Variants in ITGB3 observed in about 807,000 individuals in gnomAD.
The protein encoded by ITGB3 is integrin beta-3.
ITGB3 carries 48 observed loss-of-function variants against 85.8 expected under a neutral mutation model. The observed-to-expected ratio is 0.56, with a 90% CI of 0.44 to 0.71. The LOEUF (loss-of-function observed/expected upper bound fraction) is 0.71, where lower values mean the gene tolerates loss of function less well. ITGB3 is among the 30% of genes least tolerant of loss of function. The pLI is 0.00. For missense variants in ITGB3, 861 were observed against 1,019.1 expected, an observed-to-expected ratio of 0.84 and a Z score of 2.11; for synonymous variants, 363 against 395.6, an observed-to-expected ratio of 0.92 and a Z score of 0.98.
chr17:47,283,850 T>C (rs2065093125), intron 3 of ITGB3, among the ~76,000 whole-genome samples: 1 of 152,216 alleles, frequency 6.6e-6, no homozygotes, highest in African/African-American at 2.4e-5. Flanking sequence ...TTTACCCAAG[T>C]GCCTGTTTTA....
At chr17:47,284,771 T>G in intron 4 of ITGB3, 76 bp downstream of exon 4, 1 of 1,584,168 alleles carries the variant, frequency 6.3e-7, no homozygotes, top group Non-Finnish European at 8.7e-7. Flanking sequence ...TATTTCTAGC[T>G]CTAGGATCAC....
At position 47,297,876 on chromosome 17, in the gene ITGB3, T is replaced by C. The variant is rs1439395675; in HGVS notation, c.1691-1432T>C. On this transcript the variant is annotated intron_variant, in intron 10 of 14. Coordinates refer to ENST00000559488, the MANE Select transcript of ITGB3 (RefSeq NM_000212.3). ...TAGCCTGGGTGATAGGGTGAGACTC[T>C]GTCTCAAAAAAAAAAAAAAAAGCAA... Among the ~76,000 whole-genome samples the C allele has an allele frequency of 3.0e-5, 3 of 98,856 alleles. No individual in the cohort carries two copies. The East Asian group carries it at 1.0e-3, about 33-fold the overall frequency. The allele number at this position is 98,856 out of a possible 152,430, so 64.9% of individuals were successfully genotyped here. A position where few individuals can be genotyped will look rare whatever the true frequency, so the allele number is the denominator to read the frequency against.
Position 47,291,000 on chromosome 17 carries a change from A to T in ITGB3, c.1172A>T (p.Glu391Val). The change falls in exon 9 of 15, where the codon GAG (glutamate) becomes GTG (valine). Residue 391 changes from glutamate to valine, a missense_variant. Physicochemically the swap from Glu to Val is moderately radical, Grantham distance 121. Transcript: ENST00000559488. The part of the protein sequence containing the change: ...VELEVRDLPE[E>V]LSLSFNATCL... The stretch of plus-strand genomic sequence containing the variant: ...CTGGAAGTGCGTGACCTCCCTGAAG[A>T]GTTGTCTCTATCCTTCAATGCCACC... The T allele has an allele frequency of 6.2e-7, 1 of 1,614,086 alleles. No individual in the cohort carries two copies. Among genetic ancestry groups the T allele is most frequent in the African/African-American group, 1.3e-5 (1 of 75,008 alleles).
chr17:47,304,197 A>G (rs2065178457), intron 13 of ITGB3, among the ~76,000 whole-genome samples: 1 of 151,996 alleles, frequency 6.6e-6, no homozygotes, highest in Admixed American at 6.6e-5. Context: ...CAGGGCCAAC[A>G]TTTCCTATGT....
rs2065209002 is a variant in ITGB3 at position 47,310,350 on chromosome 17, G to A, written c.*146G>A. On this transcript the variant is annotated 3_prime_UTR_variant, in exon 15 of 15. Transcript: ENST00000559488. ...TGGGAGAATGTCAGTATGTGGAAGT[G>A]TGGGTCTGTGTGTGTGTATGTGGGG... is the stretch of plus-strand genomic sequence containing the variant. The A allele has an allele frequency of 1.4e-6, 1 of 740,182 alleles. No homozygotes were observed. The highest frequency in any genetic ancestry group is 1.7e-5 in the African/African-American group (1 of 57,930). 45.9% of individuals were successfully genotyped at this position (740,182 alleles called of 1,614,324 possible).
chr17:47,300,402 G>A (rs1402394462), intron 11 of ITGB3, 76 bp from the exon 12 acceptor site: 12 of 998,476 alleles, frequency 1.2e-5, no homozygotes, highest in Non-Finnish European at 1.6e-5. Flanking sequence ...CTGAATGCAT[G>A]GAGATCAGAG....
At chr17:47,287,009 C>T (rs1205971959) in intron 5 of ITGB3, 61 bp from the exon 6 acceptor site, 2 of 1,576,742 alleles carry the variant, frequency 1.3e-6, no homozygotes, top group African/African-American at 1.4e-5. Context: ...TGTTCTCTAC[C>T]AGTGACATGG....
chr17:47,292,004 C>A, intron 9 of ITGB3, 135 bp from the exon 10 acceptor site: 1 of 842,082 alleles, frequency 1.2e-6, no homozygotes, highest in Non-Finnish European at 2.0e-6. Context: ...GGCTGAGGAA[C>A]TCCAGATTGC....
Position 47,291,058 on chromosome 17 carries a change from G to A in ITGB3, c.1230G>A (p.Lys410=), listed in dbSNP as rs1254857068. 1.2e-6 allele frequency: 2 copies of A among 1,614,072 alleles called. No homozygotes were observed. Among genetic ancestry groups the A allele is most frequent in the Admixed American group, 1.7e-5 (1 of 60,006 alleles). ...CLNNEVIPGL[K]SCMGLKIGDT... Reference sequence around the variant, plus strand: ...ACAATGAGGTCATCCCTGGCCTCAAGTCTTGTATGGGACTCAAGATTGGAG... The same window carrying A: ...ACAATGAGGTCATCCCTGGCCTCAAATCTTGTATGGGACTCAAGATTGGAG... Residue 410 remains lysine, a synonymous_variant, in exon 9 of 15, where the codon AAG becomes AAA. Transcript: ENST00000559488.
At chr17:47,267,150 C>T (rs2065028631) in intron 1 of ITGB3, among the ~76,000 whole-genome samples, 2 of 152,174 alleles carry the variant, frequency 1.3e-5, no homozygotes, top group Non-Finnish European at 2.9e-5. Flanking sequence ...TTCTGTGTTC[C>T]AGCTGTTGTG....
chr17:47,292,200 C>G lies in ITGB3; in HGVS notation c.1322C>G (p.Thr441Ser), dbSNP rs760120858. 17 of 1,614,084 alleles carry G rather than the reference C, an allele frequency of 1.1e-5. No individual in the cohort carries two copies. Among genetic ancestry groups the G allele is most frequent in the South Asian group, 4.4e-5 (4 of 91,090 alleles). The change falls in exon 10 of 15, where the codon ACC (threonine) becomes AGC (serine). Residue 441 changes from threonine to serine, a missense_variant. Physicochemically the swap from Thr to Ser is moderately conservative, Grantham distance 58. Transcript: ENST00000559488. ...GCPQEKEKSFTIKPVGFKDSL... is the reference protein window; with the variant it reads ...GCPQEKEKSFSIKPVGFKDSL... ...CCCCAGGAGAAGGAGAAGTCCTTTA[C>G]CATAAAGCCCGTGGGCTTCAAGGAC...
chr17:47,286,329 C>T lies in ITGB3; in HGVS notation c.684C>T (p.Arg228=), dbSNP rs148268885. 3.3e-5 allele frequency: 53 copies of T among 1,614,098 alleles called. No homozygotes were observed. The highest frequency in any genetic ancestry group is 4.0e-5 in the Non-Finnish European group (47 of 1,180,054). Reference sequence around the variant, plus strand: ...TGACGCTAACTGACCAGGTGACCCGCTTCAATGAGGAAGTGAAGAAGCAGA... The same window carrying T: ...TGACGCTAACTGACCAGGTGACCCGTTTCAATGAGGAAGTGAAGAAGCAGA... ...HVLTLTDQVT[R]FNEEVKKQSV... is the part of the protein sequence containing the mutation. The change falls in exon 5 of 15, where the codon CGC becomes CGT. Residue 228 remains arginine (R), a synonymous_variant. Coordinates refer to ENST00000559488, the MANE Select transcript of ITGB3 (RefSeq NM_000212.3).
rs1028916757 is a variant in ITGB3, at chr17:47,292,378, A to G, written c.1500A>G (p.Ser500=). ...PGWLGSQCEC[S]EEDYRPSQQD... Reference sequence around the variant, plus strand: ...GGCTGGGATCCCAGTGTGAGTGCTCAGAGGAGGACTATCGCCCTTCCCAGC... The same window carrying G: ...GGCTGGGATCCCAGTGTGAGTGCTCGGAGGAGGACTATCGCCCTTCCCAGC... The change falls in exon 10 of 15, where the codon TCA becomes TCG. Residue 500 remains serine (S), a synonymous_variant. Transcript: ENST00000559488. 1.2e-6 allele frequency: 2 copies of G among 1,614,170 alleles called. No individual in the cohort carries two copies. Among genetic ancestry groups the G allele is most frequent in the Non-Finnish European group, 8.5e-7 (1 of 1,179,990 alleles).
chr17:47,263,333 C>T (rs2065014799), intron 1 of ITGB3, among the ~76,000 whole-genome samples: 1 of 152,210 alleles, frequency 6.6e-6, no homozygotes, highest in Non-Finnish European at 1.5e-5. Context: ...GATAACCAGA[C>T]ATAATGTGGC....
At chr17:47,295,768 CG>C (rs1253892777) in intron 10 of ITGB3, among the ~76,000 whole-genome samples, 1 of 102,406 alleles carries the variant, frequency 9.8e-6, no homozygotes, top group Non-Finnish European at 1.9e-5. Flanking sequence ...AGTGAAAGGC[CG>C]GGGGGCGGGT....
intron 12 of ITGB3, 126 bp downstream of exon 12, chr17:47,300,704 A>T (rs1484367528): frequency 4.1e-6 from 3 of 738,014 alleles, no homozygotes; most frequent in Non-Finnish European, 7.2e-6. Flanking sequence ...AATGTTGTGC[A>T]GGCTTGAGGA....
intron 14 of ITGB3, among the ~76,000 whole-genome samples, chr17:47,309,618 G>A (rs2065204988): frequency 6.6e-6 from 1 of 152,200 alleles, no homozygotes; most frequent in Non-Finnish European, 1.5e-5. Context: ...CAGGGAACAG[G>A]TGTGGTGGCT....
chr17:47,254,320 G>A (rs2149057292), intron 1 of ITGB3, among the ~76,000 whole-genome samples: 1 of 152,194 alleles, frequency 6.6e-6, no homozygotes, highest in East Asian at 1.9e-4. Context: ...CCAAGGCGAG[G>A]TGGGGCTTCC....
At chr17:47,262,181 A>G (rs1433810156) in intron 1 of ITGB3, among the ~76,000 whole-genome samples, 1 of 152,136 alleles carries the variant, frequency 6.6e-6, no homozygotes, top group Non-Finnish European at 1.5e-5. Flanking sequence ...TTGCTTTCCT[A>G]CCAAGACAGG....
Sources: gnomAD v4.1 joint callset for allele counts (sites outside exome capture counted in the v4.1 genomes callset) on GRCh38, gnomAD v4.1.1 for gene constraint, MANE v1.5 for transcripts, NCBI Gene and HGNC (gene_info 2026-07-23, HGNC 2026-07-21) for gene names.